The following MYPN variants were observed in gnomAD, a reference collection of about 807,000 sequenced individuals.
MYPN encodes myopalladin, also known as sarcomeric protein myopalladin, 145 kDa (MYOP).
Under a neutral mutation model 129.4 loss-of-function variants are expected in MYPN, and 63 were observed. The ratio of observed to expected loss-of-function variants is 0.49; its 90% CI spans 0.40 to 0.60. MYPN has a LOEUF of 0.60. Among genes scored for constraint, MYPN ranks in the 20% least tolerant of loss-of-function variants. The pLI, the probability that MYPN is intolerant of heterozygous loss-of-function variation, is 0.00. For missense variants in MYPN, 1,596 were observed against 1,635.4 expected, an observed-to-expected ratio of 0.98 and a Z score of 0.42; for synonymous variants, 629 against 600.9, an observed-to-expected ratio of 1.05 and a Z score of -0.68.
intron 8 of MYPN, among the ~76,000 whole-genome samples, chr10:68,164,445 G>A (rs1368624790): frequency 6.6e-6 from 1 of 152,160 alleles, no homozygotes; most frequent in Admixed American, 6.5e-5. Context: ...ATTGTTTCCA[G>A]CACATGAGCA....
chr10:68,142,175 G>T (rs868784554), intron 2 of MYPN, among the ~76,000 whole-genome samples: 1 of 152,188 alleles, frequency 6.6e-6, no homozygotes, highest in Non-Finnish European at 1.5e-5. Flanking sequence ...GTAGCAATGC[G>T]TAAGAGTGGT....
intron 12 of MYPN, among the ~76,000 whole-genome samples, chr10:68,186,861 T>A (rs1182776239): frequency 1.3e-5 from 2 of 151,546 alleles, no homozygotes; most frequent in Admixed American, 1.3e-4. Flanking sequence ...AGAATTAGAA[T>A]GGGGAGTTAC....
At position 68,166,588 on chromosome 10, in the gene MYPN, T is replaced by G. The variant is rs752536783; in HGVS notation, c.1895T>G (p.Phe632Cys). ...QTRPDSFQER[F>C]NGQATKTPEP... ...AGGCCCGATTCTTTCCAGGAGAGGT[T>G]CAACGGACAGGCAACAAAAACCCCA... Residue 632 changes from phenylalanine to cysteine, a missense_variant, in exon 10 of 20, where the codon TTC becomes TGC. Phe to Cys is a radical substitution (Grantham distance 205). Coordinates refer to ENST00000358913, the MANE Select transcript of MYPN (RefSeq NM_032578.4). The G allele has an allele frequency of 6.2e-7, 1 of 1,614,026 alleles. No individual in the cohort carries two copies. The highest frequency in any genetic ancestry group is 1.7e-5 in the Admixed American group (1 of 60,006).
rs2134201372 is a variant in MYPN at position 68,174,560 on chromosome 10, T to C, written c.2468T>C (p.Ile823Thr). The change falls in exon 11 of 20, where the codon ATT becomes ACT. Residue 823 changes from isoleucine (I) to threonine (T), a missense_variant. Transcript: ENST00000358913. The part of the protein sequence containing the change: ...SPIPVSPTSR[I>T]QNPVAFLSSV... ...ATTCCTGTCTCTCCTACCAGCCGGA[T>C]TCAGAACCCAGTGGCTTTCCTCAGC... The C allele has an allele frequency of 6.2e-7, 1 of 1,614,166 alleles. No individual in the cohort carries two copies. The highest frequency in any genetic ancestry group is 1.3e-5 in the African/African-American group (1 of 75,054).
chr10:68,182,132 C>G (rs1363994209), intron 12 of MYPN, among the ~76,000 whole-genome samples: 2 of 150,898 alleles, frequency 1.3e-5, no homozygotes, highest in Admixed American at 6.6e-5. Context: ...TGATATCTAG[C>G]CCATCTTGGT....
intron 1 of MYPN, among the ~76,000 whole-genome samples, chr10:68,097,549 C>T (rs1408808886): frequency 2.0e-5 from 3 of 152,130 alleles, no homozygotes; most frequent in Non-Finnish European, 4.4e-5. Context: ...AGGAGCCAGG[C>T]ATTGTTCTAA....
At chr10:68,142,268 C>T (rs1349115490) in intron 2 of MYPN, among the ~76,000 whole-genome samples, 1 of 152,124 alleles carries the variant, frequency 6.6e-6, no homozygotes, top group Non-Finnish European at 1.5e-5. Context: ...TTATTATGCA[C>T]CTCTACATTT....
chr10:68,169,064 G>C (rs112390625), intron 10 of MYPN, among the ~76,000 whole-genome samples: 1 of 146,646 alleles, frequency 6.8e-6, no homozygotes, highest in East Asian at 2.0e-4. Flanking sequence ...GTGACTTTCC[G>C]GCCAGGCATG....
At chr10:68,169,352 C>T (rs1396529559) in intron 10 of MYPN, among the ~76,000 whole-genome samples, 1 of 121,770 alleles carries the variant, frequency 8.2e-6, no homozygotes, top group African/African-American at 3.3e-5. Context: ...AGTGAGACTC[C>T]GTCTCAAATT....
intron 1 of MYPN, among the ~76,000 whole-genome samples, chr10:68,092,083 A>G (rs2041933693): frequency 6.6e-6 from 1 of 151,914 alleles, no homozygotes; most frequent in African/African-American, 2.4e-5. Context: ...CTCTGTCTCT[A>G]AAAAAAAGAA....
At chr10:68,207,148 C>G (rs967372390) in intron 19 of MYPN, among the ~76,000 whole-genome samples, 1 of 152,082 alleles carries the variant, frequency 6.6e-6, no homozygotes, top group African/African-American at 2.4e-5. Flanking sequence ...ATCCCAGCTA[C>G]TCGGGCAGCT....
intron 12 of MYPN, among the ~76,000 whole-genome samples, chr10:68,184,328 G>A (rs1054349558): frequency 1.1e-4 from 16 of 152,198 alleles, no homozygotes; most frequent in South Asian, 2.1e-4. Context: ...AGGGCCATTC[G>A]TAGAGAATTG....
At chr10:68,117,884 G>A (rs978433951) in intron 1 of MYPN, among the ~76,000 whole-genome samples, 2 of 151,468 alleles carry the variant, frequency 1.3e-5, no homozygotes, top group African/African-American at 2.4e-5. Context: ...CTATGATATG[G>A]CTACTACTAT....
intron 13 of MYPN, among the ~76,000 whole-genome samples, chr10:68,191,204 T>C (rs2043506077): frequency 7.6e-6 from 1 of 131,474 alleles, no homozygotes; most frequent in Non-Finnish European, 1.6e-5. Flanking sequence ...TTTAGAATTG[T>C]TTTTTCTATT....
At chr10:68,172,712 A>T (rs2043161402) in intron 10 of MYPN, among the ~76,000 whole-genome samples, 1 of 152,190 alleles carries the variant, frequency 6.6e-6, no homozygotes, top group Non-Finnish European at 1.5e-5. Context: ...AAGGTTTATA[A>T]TCAGGGTGAG....
At position 68,161,751 on chromosome 10, in the gene MYPN, A is replaced by G. The variant is rs532744333; in HGVS notation, c.1482A>G (p.Pro494=). Residue 494 remains proline, a splice_region_variant and synonymous_variant, in exon 8 of 20, where the codon CCA becomes CCG. Coordinates refer to ENST00000358913, the MANE Select transcript of MYPN (RefSeq NM_032578.4). ...LQKKPRSMAE[P]EEICTLVIAE... ...TAGAACCTCGATCCATGGCAGAGCC[A>G]GGTAAAGATGATTTCAACTTTAATT... is the stretch of plus-strand genomic sequence containing the variant. 1 of 1,609,818 alleles carries G rather than the reference A, an allele frequency of 6.2e-7. No homozygotes were observed. The highest frequency in any genetic ancestry group is 1.1e-5 in the South Asian group (1 of 90,682).
At chr10:68,150,012 G>T (rs1393228334) in intron 5 of MYPN, 28 bp from the exon 6 acceptor site, 1 of 1,589,360 alleles carries the variant, frequency 6.3e-7, no homozygotes. Flanking sequence ...TAGTAACAAT[G>T]AATTTACTGT....
chr10:68,137,102 G>C (rs894911086), intron 2 of MYPN, among the ~76,000 whole-genome samples: 1 of 151,786 alleles, frequency 6.6e-6, no homozygotes, highest in African/African-American at 2.4e-5. Flanking sequence ...TTTTTAAGTA[G>C]TAATAATAAA....
chr10:68,109,580 T>C lies in MYPN; in HGVS notation c.-145T>C, dbSNP rs1230391862. 1.5e-5 allele frequency: 7 copies of C among 454,020 alleles called. No homozygotes were observed. The highest frequency in any genetic ancestry group is 1.4e-4 in the Admixed American group (6 of 42,554). 28.1% of individuals were successfully genotyped at this position (454,020 alleles called of 1,614,324 possible). ...ACTAAGGTTAACTCCTCACTCTCTA[T>C]GGACGGCTACTCTCTATTTCCAAGG... On this transcript the variant is annotated 5_prime_UTR_variant, in exon 1 of 20. An upstream start codon of the reference 5' UTR is lost. Coordinates refer to ENST00000358913, the MANE Select transcript of MYPN (RefSeq NM_032578.4).
Sources: gnomAD v4.1 joint callset for allele counts (sites outside exome capture counted in the v4.1 genomes callset) on GRCh38, gnomAD v4.1.1 for gene constraint, MANE v1.5 for transcripts, NCBI Gene and HGNC (gene_info 2026-07-23, HGNC 2026-07-21) for gene names.